KIRREL3: variants seen among roughly 807,000 people sequenced by gnomAD.
KIRREL3 encodes kirre like nephrin family adhesion molecule 3.
KIRREL3 carries 36 observed loss-of-function variants against 89.7 expected under a neutral mutation model. That is an observed-to-expected ratio of 0.40 (90% CI 0.31 to 0.53). The LOEUF is 0.53. Among genes scored for constraint, KIRREL3 ranks in the 20% least tolerant of loss-of-function variants. KIRREL3 has a pLI of 0.49. For missense variants in KIRREL3, 864 were observed against 1,056.6 expected (o/e 0.82, Z 2.53); for synonymous variants, 445 against 441.4 (o/e 1.01, Z -0.10).
At chr11:126,695,975 C>CG (rs1947076227) in intron 1 of KIRREL3, among the ~76,000 whole-genome samples, 2 of 152,100 alleles carry the variant, frequency 1.3e-5, no homozygotes. Context: ...CTGGATGAGT[C>CG]GGGCGAGGTG....
chr11:126,632,998 A>G (rs544360140), intron 1 of KIRREL3, among the ~76,000 whole-genome samples: 95 of 152,088 alleles, frequency 6.2e-4, no homozygotes, highest in African/African-American at 2.1e-3. Context: ...AGGCTGAGGC[A>G]GGAGAATCAC....
chr11:126,842,904 A>G (rs1944012466), intron 1 of KIRREL3, among the ~76,000 whole-genome samples: 2 of 152,166 alleles, frequency 1.3e-5, no homozygotes, highest in Non-Finnish European at 2.9e-5. Context: ...TGGCCTCTCC[A>G]TCGGAGAGAA....
In KIRREL3 at chr11:126,755,620, T is replaced by C. The variant is rs1206613157; in HGVS notation, c.56-192708A>G. On this transcript the variant is annotated intron_variant, in intron 1 of 16. Coordinates refer to ENST00000525144, the MANE Select transcript of KIRREL3 (RefSeq NM_032531.4). The surrounding 1 kb of genome is among the most constrained non-coding windows in gnomAD (Gnocchi z 4.3). ...AGGAAAGGTCTGCGTGCTGACACTCTCAACTTCCCTGAGTGCCTGTACACC... is the reference window on the plus strand; with the variant it reads ...AGGAAAGGTCTGCGTGCTGACACTCCCAACTTCCCTGAGTGCCTGTACACC... Among the ~76,000 whole-genome samples the C allele has an allele frequency of 6.6e-6, 1 of 152,094 alleles. No individual in the cohort carries two copies. The highest frequency in any genetic ancestry group is 1.9e-4 in the East Asian group (1 of 5,204).
chr11:126,543,126 C>T (rs1016600947), intron 2 of KIRREL3, among the ~76,000 whole-genome samples: 1 of 152,172 alleles, frequency 6.6e-6, no homozygotes, highest in Admixed American at 6.6e-5. Context: ...TCTCCTGTCA[C>T]CCCCCAAACA....
rs990291976 is a variant in KIRREL3 at position 126,877,312 on chromosome 11, T to C, written c.55+123143A>G. 6.6e-6 allele frequency among the ~76,000 whole-genome samples: 1 copy of C among 152,196 alleles called. No individual in the cohort carries two copies. The highest frequency in any genetic ancestry group is 1.5e-5 in the Non-Finnish European group (1 of 68,032). On this transcript the variant is annotated intron_variant, in intron 1 of 16. Transcript: ENST00000525144. This position sits in a 1 kb window ranked among gnomAD's most constrained non-coding sequence, Gnocchi z 4.9. ...AGCAAAAGAGCGTTCTATATATACA[T>C]GCATTTTCAAAATATTGTGGCTTCT...
chr11:126,657,655 C>G (rs76689720), intron 1 of KIRREL3, among the ~76,000 whole-genome samples: 4 of 152,020 alleles, frequency 2.6e-5, no homozygotes, highest in Non-Finnish European at 1.5e-5. Flanking sequence ...AGAGACAGTC[C>G]GTCCCCAGCC....
intron 1 of KIRREL3, among the ~76,000 whole-genome samples, chr11:126,581,211 ATTT>A (rs558345583): frequency 6.6e-6 from 1 of 151,236 alleles, no homozygotes; most frequent in South Asian, 2.1e-4. Flanking sequence ...ATTATATTGA[ATTT>A]TTTTTTGAGA....
At position 126,917,424 on chromosome 11, in the gene KIRREL3, G is replaced by A. The variant is rs1947084416; in HGVS notation, c.55+83031C>T. ...TCAATATAGTTAATGCCACTAAACCGTATACTTAAAAGTGGTTAAAATGTC... is the reference window on the plus strand; with the variant it reads ...TCAATATAGTTAATGCCACTAAACCATATACTTAAAAGTGGTTAAAATGTC... On this transcript the variant is annotated intron_variant, in intron 1 of 16. Coordinates refer to ENST00000525144, the MANE Select transcript of KIRREL3 (RefSeq NM_032531.4). This position sits in a 1 kb window ranked among gnomAD's most constrained non-coding sequence, Gnocchi z 5.0. 6.6e-6 allele frequency among the ~76,000 whole-genome samples: 1 copy of A among 152,022 alleles called. No homozygotes were observed. The highest frequency in any genetic ancestry group is 2.1e-4 in the South Asian group (1 of 4,826).
chr11:126,819,822 T>A (rs149883601), intron 1 of KIRREL3, among the ~76,000 whole-genome samples: 16 of 152,330 alleles, frequency 1.1e-4, no homozygotes, highest in Non-Finnish European at 1.9e-4. Flanking sequence ...TGGCTCTTGA[T>A]TGGTGAGCAT....
intron 1 of KIRREL3, among the ~76,000 whole-genome samples, chr11:126,632,153 G>T (rs1460071863): frequency 1.3e-5 from 2 of 152,254 alleles, no homozygotes; most frequent in Non-Finnish European, 2.9e-5. Context: ...AAGTTCCCAG[G>T]TCAGGTTGAT....
chr11:126,786,557 G>A (rs1395528195), intron 1 of KIRREL3, among the ~76,000 whole-genome samples: 3 of 152,212 alleles, frequency 2.0e-5, no homozygotes, highest in East Asian at 1.9e-4. Flanking sequence ...AACATGGCCT[G>A]GAAAAAATAG....
In KIRREL3 at chr11:126,943,147, G is replaced by A. The variant is rs995064692; in HGVS notation, c.55+57308C>T. On this transcript the variant is annotated intron_variant, in intron 1 of 16. Coordinates refer to ENST00000525144, the MANE Select transcript of KIRREL3 (RefSeq NM_032531.4). This position sits in a 1 kb window ranked among gnomAD's most constrained non-coding sequence, Gnocchi z 4.2. ...ATGTTTTCATCAGTGCCATAGGCCT[G>A]GGTGCTGCTCCTGCTCCACTGGGGC... is the stretch of plus-strand genomic sequence containing the variant. Among the ~76,000 whole-genome samples, 3 of 152,212 alleles carry A rather than the reference G, an allele frequency of 2.0e-5. No individual in the cohort carries two copies.
At chr11:126,702,692 G>T (rs2134121825) in intron 1 of KIRREL3, among the ~76,000 whole-genome samples, 1 of 152,350 alleles carries the variant, frequency 6.6e-6, no homozygotes, top group East Asian at 1.9e-4. Context: ...GTCCCACCCT[G>T]CACGGACAGG....
At chr11:126,467,209 G>A (rs7945391) in intron 5 of KIRREL3, among the ~76,000 whole-genome samples, 25 of 152,340 alleles carry the variant, frequency 1.6e-4, no homozygotes, top group African/African-American at 5.3e-4. Context: ...CTCTCTGGAC[G>A]CTGCCTGCTC....
chr11:126,490,266 G>C lies in KIRREL3; in HGVS notation c.434-16800C>G, dbSNP rs1158901318. Among the ~76,000 whole-genome samples the C allele has an allele frequency of 6.6e-6, 1 of 151,970 alleles. No individual in the cohort carries two copies. The highest frequency in any genetic ancestry group is 1.5e-5 in the Non-Finnish European group (1 of 67,992). On this transcript the variant is annotated intron_variant, in intron 4 of 16. Transcript: ENST00000525144. This position sits in a 1 kb window ranked among gnomAD's most constrained non-coding sequence, Gnocchi z 4.2. ...GGGAGGCAAGGCAGCTTTACTTTCTGTGTATGTTTATTTTAGACTCCCATT... is the reference window on the plus strand; with the variant it reads ...GGGAGGCAAGGCAGCTTTACTTTCTCTGTATGTTTATTTTAGACTCCCATT...
In KIRREL3 at chr11:126,684,565, T is replaced by C. The variant is rs1180152239; in HGVS notation, c.56-121653A>G. On this transcript the variant is annotated intron_variant, in intron 1 of 16. Transcript: ENST00000525144. This position sits in a 1 kb window ranked among gnomAD's most constrained non-coding sequence, Gnocchi z 4.2. ...GTGTCACTTCAGTATTCTGATGAAT[T>C]TACCCTACCAGGCCAGTCAGAATCG... 1.3e-5 allele frequency among the ~76,000 whole-genome samples: 2 copies of C among 152,126 alleles called. No individual in the cohort carries two copies. The highest frequency in any genetic ancestry group is 2.9e-5 in the Non-Finnish European group (2 of 68,018).
At position 126,791,014 on chromosome 11, in the gene KIRREL3, T is replaced by C. The variant is rs77515345; in HGVS notation, c.55+209441A>G. Among the ~76,000 whole-genome samples, 4,506 of 152,302 alleles carry C rather than the reference T, an allele frequency of 0.03. 223 individuals carry two copies. The highest frequency in any genetic ancestry group is 0.1 in the African/African-American group (4,273 of 41,548). Reference sequence around the variant, plus strand: ...CAAACTGGGTGGTGTGGAGGATTTGTCGATGAGAATGCAAATGAGCATGAT... The same window carrying C: ...CAAACTGGGTGGTGTGGAGGATTTGCCGATGAGAATGCAAATGAGCATGAT... On this transcript the variant is annotated intron_variant, in intron 1 of 16. Coordinates refer to ENST00000525144, the MANE Select transcript of KIRREL3 (RefSeq NM_032531.4). This position sits in a 1 kb window ranked among gnomAD's most constrained non-coding sequence, Gnocchi z 4.8.
chr11:126,868,982 A>C (rs1945013489), intron 1 of KIRREL3, among the ~76,000 whole-genome samples: 1 of 151,918 alleles, frequency 6.6e-6, no homozygotes, highest in East Asian at 1.9e-4. Flanking sequence ...TAAAGCCTCC[A>C]CCCTTGTGAC....
At chr11:126,842,977 G>A (rs1365079664) in intron 1 of KIRREL3, among the ~76,000 whole-genome samples, 1 of 151,926 alleles carries the variant, frequency 6.6e-6, no homozygotes, top group Non-Finnish European at 1.5e-5. Flanking sequence ...GTAAATGCAG[G>A]GCCTTTACTT....
Sources: allele counts gnomAD v4.1 joint callset (sites outside exome capture counted in the v4.1 genomes callset), GRCh38; gene constraint gnomAD v4.1.1; non-coding constraint Gnocchi (gnomAD v3.1); transcripts MANE v1.5; gene names NCBI Gene and HGNC (gene_info 2026-07-23, HGNC 2026-07-21).